COL5A2: variants seen among roughly 807,000 people sequenced by gnomAD.
COL5A2 encodes collagen type V alpha 2 chain.
Under a neutral mutation model 208.2 loss-of-function variants are expected in COL5A2, and 23 were observed. That is an observed-to-expected ratio of 0.11 (90% CI 0.08 to 0.16). The LOEUF (loss-of-function observed/expected upper bound fraction) is 0.16, where lower values mean the gene tolerates loss of function less well. COL5A2 is among the 10% of genes least tolerant of loss of function. COL5A2 has a pLI of 1.00. For missense variants in COL5A2, 1,590 were observed against 1,956.4 expected, an observed-to-expected ratio of 0.81 and a Z score of 3.53; for synonymous variants, 625 against 628.5, an observed-to-expected ratio of 0.99 and a Z score of 0.08.
rs768361331 is a variant in COL5A2, at chr2:189,034,228, T to A, written c.4354-12A>T. 4 of 1,613,824 alleles carry A rather than the reference T, an allele frequency of 2.5e-6. No individual in the cohort carries two copies. The highest frequency in any genetic ancestry group is 3.4e-6 in the Non-Finnish European group (4 of 1,179,844). ...TTTCCATTCCGCTTCTGAAATTAAATGATGCAATGGGTTAAATGTACATAC... is the reference window on the plus strand; with the variant it reads ...TTTCCATTCCGCTTCTGAAATTAAAAGATGCAATGGGTTAAATGTACATAC... On this transcript the variant is annotated splice_polypyrimidine_tract_variant and intron_variant, in intron 53 of 53. Transcript: ENST00000374866.
chr2:189,049,816 C>T (rs558176445), intron 43 of COL5A2, among the ~76,000 whole-genome samples: 1 of 152,250 alleles, frequency 6.6e-6, no homozygotes, highest in South Asian at 2.1e-4. Flanking sequence ...TATTCTGATA[C>T]TTTGATCTCA....
chr2:189,096,180 A>G (rs1431989554), intron 6 of COL5A2: 2 of 152,190 alleles, frequency 1.3e-5, no homozygotes, highest in Non-Finnish European at 2.9e-5. Context: ...CTGTTTGCTT[A>G]TCTTCTAATC....
chr2:189,085,087 G>A (rs1480371002), intron 11 of COL5A2, 73 bp downstream of exon 11: 8 of 1,208,978 alleles, frequency 6.6e-6, no homozygotes, highest in South Asian at 1.3e-5. Context: ...AATTAATACA[G>A]AACATTCTTG....
chr2:189,049,038 T>C (rs551297286), intron 44 of COL5A2, among the ~76,000 whole-genome samples: 1 of 34,272 alleles, frequency 2.9e-5, no homozygotes, highest in Non-Finnish European at 1.4e-4. Context: ...CAAAATGAAA[T>C]AATAACAAGG....
At chr2:189,133,003 A>G (rs1367513445) in intron 1 of COL5A2, 1 of 153,610 alleles carries the variant, frequency 6.5e-6, no homozygotes, top group African/African-American at 2.4e-5. Flanking sequence ...GATATAAGCA[A>G]TTTCTCAGAG....
At chr2:189,400,090 T>A in the COL5A2 span, among the ~76,000 whole-genome samples, 1 of 152,266 alleles carries the variant, frequency 6.6e-6, no homozygotes, top group South Asian at 2.1e-4. Flanking sequence ...ATGTTTTTCT[T>A]TTTTGTTTGT....
intron 17 of COL5A2, 25 bp downstream of exon 17, chr2:189,075,368 T>A: frequency 6.6e-7 from 1 of 1,523,050 alleles, no homozygotes. Flanking sequence ...AATTAATGAA[T>A]TAATATGAAA....
the COL5A2 span, among the ~76,000 whole-genome samples, chr2:189,308,824 C>T: frequency 6.6e-6 from 1 of 152,188 alleles, no homozygotes; most frequent in African/African-American, 2.4e-5. Flanking sequence ...ATTCATGTTA[C>T]ACACATTGAC....
In COL5A2 at chr2:189,054,157, A is replaced by G. The variant is rs1470583919; in HGVS notation, c.2445+2T>C. On this transcript the variant is annotated splice_donor_variant, in intron 36 of 53. Coordinates refer to ENST00000374866, the MANE Select transcript of COL5A2 (RefSeq NM_000393.5). LOFTEE classifies it high-confidence loss of function. ...TGTACAAATTAACAACTTGTGACTT[A>G]CCTTTTCTCCAGTAGGACCTGCCGG... 1 of 1,613,732 alleles carries G rather than the reference A, an allele frequency of 6.2e-7. No individual in the cohort carries two copies. The highest frequency in any genetic ancestry group is 8.5e-7 in the Non-Finnish European group (1 of 1,179,630).
chr2:189,289,272 C>T, the COL5A2 span, among the ~76,000 whole-genome samples: 4 of 151,662 alleles, frequency 2.6e-5, no homozygotes, highest in Non-Finnish European at 5.9e-5. Flanking sequence ...ACCTGGGAGG[C>T]GGAGGTTGCA....
the COL5A2 span, among the ~76,000 whole-genome samples, chr2:189,419,563 G>C: frequency 2.0e-5 from 3 of 152,074 alleles, no homozygotes; most frequent in Admixed American, 6.6e-5. Flanking sequence ...GGCCAAGAGA[G>C]GAGGATCACT....
At chr2:189,240,613 T>G in the COL5A2 span, among the ~76,000 whole-genome samples, 1 of 152,204 alleles carries the variant, frequency 6.6e-6, no homozygotes, top group Admixed American at 6.5e-5. Flanking sequence ...TTTTATGTCT[T>G]GACTCTGCTT....
At chr2:189,405,854 C>T in the COL5A2 span, among the ~76,000 whole-genome samples, 1 of 152,116 alleles carries the variant, frequency 6.6e-6, no homozygotes, top group African/African-American at 2.4e-5. Context: ...ATGTGTAAAA[C>T]CCATGTCAAG....
chr2:189,240,509 A>C, the COL5A2 span, among the ~76,000 whole-genome samples: 1 of 152,218 alleles, frequency 6.6e-6, no homozygotes, highest in African/African-American at 2.4e-5. Context: ...AGGGCTACAC[A>C]AACATTTACT....
the COL5A2 span, among the ~76,000 whole-genome samples, chr2:189,355,076 G>A: frequency 5.3e-5 from 8 of 152,146 alleles, no homozygotes; most frequent in Non-Finnish European, 1.5e-5. Flanking sequence ...CAATTTCCAT[G>A]TAGTTGCACA....
chr2:189,075,306 G>A (rs1686380867), intron 17 of COL5A2, 87 bp downstream of exon 17: 3 of 933,464 alleles, frequency 3.2e-6, no homozygotes, highest in African/African-American at 3.3e-5. Flanking sequence ...CTGGCATGTG[G>A]TGAGTGCTCT....
At chr2:189,097,645 C>T in intron 5 of COL5A2, 1 of 536,628 alleles carries the variant, frequency 1.9e-6, no homozygotes, top group Non-Finnish European at 3.6e-6. Flanking sequence ...TGTCTTCTCC[C>T]AGGTAAAGCC....
At chr2:189,330,077 T>C in the COL5A2 span, among the ~76,000 whole-genome samples, 9 of 152,172 alleles carry the variant, frequency 5.9e-5, no homozygotes, top group Non-Finnish European at 1.0e-4. Flanking sequence ...TCTAGAATTC[T>C]GGTATGCCTT....
intron 1 of COL5A2, among the ~76,000 whole-genome samples, chr2:189,134,520 C>T (rs1302917455): frequency 1.3e-5 from 2 of 152,200 alleles, no homozygotes; most frequent in East Asian, 3.9e-4. Context: ...ACTCGGATGG[C>T]GGAGGTTGCA....
Sources: allele counts gnomAD v4.1 joint callset (sites outside exome capture counted in the v4.1 genomes callset), GRCh38; gene constraint gnomAD v4.1.1; transcripts MANE v1.5; gene names NCBI Gene and HGNC (gene_info 2026-07-23, HGNC 2026-07-21).